ZBTB3: variants seen among roughly 807,000 people sequenced by gnomAD.
The protein encoded by ZBTB3 is zinc finger and BTB domain containing 3, also known as zinc finger and BTB domain-containing protein 3.
In ZBTB3, 15 loss-of-function variants were observed where a neutral mutation model predicts 30.6. That is an observed-to-expected ratio of 0.49 (90% CI 0.33 to 0.75). The LOEUF is 0.75. Among genes scored for constraint, ZBTB3 ranks in the 30% least tolerant of loss-of-function variants. ZBTB3 has a pLI of 0.02. For synonymous variants in ZBTB3, 258 were observed against 261.7 expected (o/e 0.99, Z 0.14); for missense variants, 599 against 652.1 (o/e 0.92, Z 0.89).
Position 62,753,498 on chromosome 11 carries a change from C to A in ZBTB3, c.167G>T (p.Arg56Leu). The A allele has an allele frequency of 6.2e-7, 1 of 1,614,224 alleles. No individual in the cohort carries two copies. The highest frequency in any genetic ancestry group is 1.1e-5 in the South Asian group (1 of 91,084). ...SPFFQLFYKERELDKRDLVCI... is the reference protein window; with the variant it reads ...SPFFQLFYKELELDKRDLVCI... ...CACCAGATCCCTCTTGTCCAATTCC[C>A]GCTCCTTGTAGAAAAGCTGGAAGAA... The change falls in exon 2 of 2, where the codon CGG (arginine) becomes CTG (leucine). Residue 56 changes from arginine (R) to leucine (L), a missense_variant. Arg to Leu is a moderately radical substitution (Grantham distance 102, BLOSUM62 -2). Coordinates refer to ENST00000394807, the MANE Select transcript of ZBTB3 (RefSeq NM_001370809.1).
At position 62,753,123 on chromosome 11, in the gene ZBTB3, A is replaced by G; in HGVS notation, c.542T>C (p.Val181Ala). 1 of 1,614,176 alleles carries G rather than the reference A, an allele frequency of 6.2e-7. No individual in the cohort carries two copies. Among genetic ancestry groups the G allele is most frequent in the South Asian group, 1.1e-5 (1 of 91,086 alleles). Residue 181 changes from valine to alanine, a missense_variant, in exon 2 of 2, where the codon GTC becomes GCC. Physicochemically the swap from Val to Ala is moderately conservative, Grantham distance 64. Coordinates refer to ENST00000394807, the MANE Select transcript of ZBTB3 (RefSeq NM_001370809.1). ...CATTGGTGGCTCATCTGGAGGACGG[A>G]CAGTAGGTGAGGGAGCAGCAGAGCC... ...WKGSAAPSPTVRPPDEPPMSS... is the reference protein window; with the variant it reads ...WKGSAAPSPTARPPDEPPMSS...
chr11:62,754,130 C>T lies in ZBTB3; in HGVS notation c.-218G>A, dbSNP rs2084043910. On this transcript the variant is annotated 5_prime_UTR_variant, in exon 1 of 2. In the 5' UTR this introduces an upstream ATG that the reference lacks. Coordinates refer to ENST00000394807, the MANE Select transcript of ZBTB3 (RefSeq NM_001370809.1). ...ACTAGCGGAGAAAGCTGATACCTCACCCACCACCGAGCAGCCACAGGGCGA... is the reference window on the plus strand; with the variant it reads ...ACTAGCGGAGAAAGCTGATACCTCATCCACCACCGAGCAGCCACAGGGCGA... The T allele has an allele frequency of 4.0e-6, 6 of 1,501,836 alleles. No individual in the cohort carries two copies. The East Asian group carries it at 1.4e-4, about 34-fold the overall frequency. 93.0% of individuals were successfully genotyped at this position (1,501,836 alleles called of 1,614,324 possible). A position where few individuals can be genotyped will look rare whatever the true frequency, so the allele number is the denominator to read the frequency against.
rs1222792773 is a variant in ZBTB3 at position 62,751,804 on chromosome 11, A to G, written c.*286T>C. The G allele has an allele frequency of 5.0e-5, 11 of 218,864 alleles. No individual in the cohort carries two copies. In the East Asian group the frequency reaches 1.1e-3, roughly 22 times the overall value. 13.6% of individuals were successfully genotyped at this position (218,864 alleles called of 1,614,324 possible). A position where few individuals can be genotyped will look rare whatever the true frequency, so the allele number is the denominator to read the frequency against. ...AAAAAAATTAGCCAGGCATGGTGAT[A>G]GGCGCCTGTAGTCCCAGCTACTCGG... On this transcript the variant is annotated 3_prime_UTR_variant, in exon 2 of 2. Transcript: ENST00000394807.
chr11:62,753,989 A>T lies in ZBTB3; in HGVS notation c.-77T>A, dbSNP rs1218687782. On this transcript the variant is annotated 5_prime_UTR_variant, in exon 1 of 2. Coordinates refer to ENST00000394807, the MANE Select transcript of ZBTB3 (RefSeq NM_001370809.1). ...CCGGTAGCGTCCAACGGCTCCACGA[A>T]GTAGAGATCTTTTTCGCTCCCAGGC... The T allele has an allele frequency of 3.6e-5, 58 of 1,613,894 alleles. No individual in the cohort carries two copies. Among genetic ancestry groups the T allele is most frequent in the Non-Finnish European group, 4.7e-5 (55 of 1,180,014 alleles).
In ZBTB3 at chr11:62,752,782, C is replaced by A; in HGVS notation, c.883G>T (p.Ala295Ser). Residue 295 changes from alanine (A) to serine (S), a missense_variant, in exon 2 of 2, where the codon GCC (alanine) becomes TCC (serine). Coordinates refer to ENST00000394807, the MANE Select transcript of ZBTB3 (RefSeq NM_001370809.1). ...TGGACCAGCTCAGCTTCAGCTGGGG[C>A]TGGAGCCTGGGATGGAACTGGAGCT... ...VSAPVPSQAP[A>S]PAEAELVQVK... 6.2e-7 allele frequency: 1 copy of A among 1,614,144 alleles called. No homozygotes were observed. Among genetic ancestry groups the A allele is most frequent in the Non-Finnish European group, 8.5e-7 (1 of 1,180,026 alleles).
At position 62,752,442 on chromosome 11, in the gene ZBTB3, TCG is replaced by T. The variant is rs1242524181; in HGVS notation, c.1221_1222del (p.Tyr407Ter). ...AACCCCAAAGCTTCCTGGAGCTGCTTCGTACTCAGAAGACAGGTAAAGTGGCT... is the reference window on the plus strand; with the variant it reads ...AACCCCAAAGCTTCCTGGAGCTGCTTTACTCAGAAGACAGGTAAAGTGGCT... On this transcript the variant is annotated stop_gained and frameshift_variant, in exon 2 of 2. Transcript: ENST00000394807. LOFTEE classifies it high-confidence loss of function. 6.2e-7 allele frequency: 1 copy of T among 1,614,158 alleles called. No individual in the cohort carries two copies.
chr11:62,752,101 T>A lies in ZBTB3; in HGVS notation c.1564A>T (p.Thr522Ser), dbSNP rs1377702198. ...PPKDFVLAPK[T>S]NI ...CAGCTCATGCTCCCTTAGATGTTAGTTTTTGGGGCCAATACAAAATCTTTA... is the reference window on the plus strand; with the variant it reads ...CAGCTCATGCTCCCTTAGATGTTAGATTTTGGGGCCAATACAAAATCTTTA... Residue 522 changes from threonine to serine, a missense_variant, in exon 2 of 2, where the codon ACT becomes TCT. Transcript: ENST00000394807. The A allele has an allele frequency of 6.2e-7, 1 of 1,607,680 alleles. No individual in the cohort carries two copies. Among genetic ancestry groups the A allele is most frequent in the Non-Finnish European group, 8.5e-7 (1 of 1,175,956 alleles).
chr11:62,752,576 G>T lies in ZBTB3; in HGVS notation c.1089C>A (p.His363Gln). Residue 363 changes from histidine (H) to glutamine (Q), a missense_variant, in exon 2 of 2, where the codon CAC becomes CAA. Physicochemically the swap from His to Gln is conservative, Grantham distance 24. Coordinates refer to ENST00000394807, the MANE Select transcript of ZBTB3 (RefSeq NM_001370809.1). Reference protein sequence around the residue: ...AGLEEVGPSDHFLPTDPHLPY... With the variant: ...AGLEEVGPSDQFLPTDPHLPY... ...GTAGATGAGGGTCTGTTGGCAGGAA[G>T]TGGTCACTTGGCCCCACCTCCTCCA... 1 of 1,614,216 alleles carries T rather than the reference G, an allele frequency of 6.2e-7. No individual in the cohort carries two copies. The highest frequency in any genetic ancestry group is 8.5e-7 in the Non-Finnish European group (1 of 1,180,052).
At position 62,751,972 on chromosome 11, in the gene ZBTB3, C is replaced by G; in HGVS notation, c.*118G>C. On this transcript the variant is annotated 3_prime_UTR_variant, in exon 2 of 2. Coordinates refer to ENST00000394807, the MANE Select transcript of ZBTB3 (RefSeq NM_001370809.1). ...GATTAAAAAAAAAAAAGGGTAGGAA[C>G]TTTCAGCCTGGGCAGAGCCTTTATT... 1.0e-6 allele frequency: 1 copy of G among 978,454 alleles called. No individual in the cohort carries two copies. Among genetic ancestry groups the G allele is most frequent in the Non-Finnish European group, 1.5e-6 (1 of 688,378 alleles). The allele number at this position is 978,454 out of a possible 1,614,324, so 60.6% of individuals were successfully genotyped here. A position where few individuals can be genotyped will look rare whatever the true frequency, so the allele number is the denominator to read the frequency against.
Position 62,753,013 on chromosome 11 carries a change from A to G in ZBTB3, c.652T>C (p.Ser218Pro), listed in dbSNP as rs780439565. 2.5e-6 allele frequency: 4 copies of G among 1,613,990 alleles called. No homozygotes were observed. The South Asian group carries it at 4.4e-5, about 18-fold the overall frequency. ...RAPHPPVADV[S>P]LASPSSSTET... The stretch of plus-strand genomic sequence containing the variant: ...GTGGAGCTACTAGGGCTGGCAAGAG[A>G]GACATCAGCCACTGGTGGATGAGGT... The change falls in exon 2 of 2, where the codon TCT becomes CCT. Residue 218 changes from serine to proline, a missense_variant. By Grantham distance (74) the Ser-to-Pro change is moderately conservative. Transcript: ENST00000394807.
chr11:62,753,196 A>G lies in ZBTB3; in HGVS notation c.469T>C (p.Leu157=), dbSNP rs201044020. 1.9e-6 allele frequency: 3 copies of G among 1,614,194 alleles called. No individual in the cohort carries two copies. The highest frequency in any genetic ancestry group is 2.2e-5 in the South Asian group (2 of 91,080). The change falls in exon 2 of 2, where the codon TTG becomes CTG. Residue 157 remains leucine (L), a synonymous_variant. Transcript: ENST00000394807. ...TGGCCTGATGTCTCAGCAGATGCCA[A>G]CGAAGGTTGGGTGCCACGGGAAGTA... ...SSTSRGTQPS[L]ASAETSGHWG...
At position 62,752,845 on chromosome 11, in the gene ZBTB3, G is replaced by T; in HGVS notation, c.820C>A (p.Pro274Thr). The change falls in exon 2 of 2, where the codon CCA (proline) becomes ACA (threonine). Residue 274 changes from proline to threonine, a missense_variant. Pro to Thr is a conservative substitution (Grantham distance 38). Transcript: ENST00000394807. ...GGGGCTGACGTTGGGGCTGAGGCTG[G>T]GGGATAGAAGCCTTGCAGTGGTCCT... ...PGGPLQGFYPPASAPTSAPAP... is the reference protein window; with the variant it reads ...PGGPLQGFYPTASAPTSAPAP... 6.2e-7 allele frequency: 1 copy of T among 1,614,116 alleles called. No homozygotes were observed. Among genetic ancestry groups the T allele is most frequent in the African/African-American group, 1.3e-5 (1 of 75,048 alleles).
Position 62,753,383 on chromosome 11 carries a change from G to T in ZBTB3, c.282C>A (p.Thr94=). 1.2e-6 allele frequency: 2 copies of T among 1,614,064 alleles called. No homozygotes were observed. Among genetic ancestry groups the T allele is most frequent in the Non-Finnish European group, 1.7e-6 (2 of 1,180,030 alleles). The change falls in exon 2 of 2, where the codon ACC becomes ACA. Residue 94 remains threonine (T), a synonymous_variant. Coordinates refer to ENST00000394807, the MANE Select transcript of ZBTB3 (RefSeq NM_001370809.1). The part of the protein sequence containing the change: ...YAGQLTLRGD[T]PVEDVLAAAS... ...CAGCTGCCAGCACATCCTCCACAGG[G>T]GTATCCCCTCTCAGGGTCAGCTGGC...
At chr11:62,753,789 C>G in intron 1 of ZBTB3, 74 bp from the exon 2 acceptor site, 1 of 1,538,016 alleles carries the variant, frequency 6.5e-7, no homozygotes, top group East Asian at 2.3e-5. Context: ...TATCACTTGC[C>G]ACTCCAAAAC....
rs1198500992 is a variant in ZBTB3, at chr11:62,751,273, T to G, written c.*817A>C. 1 of 151,400 alleles carries G rather than the reference T, an allele frequency of 6.6e-6. No homozygotes were observed. The highest frequency in any genetic ancestry group is 2.4e-5 in the African/African-American group (1 of 41,146). The allele number at this position is 151,400 out of a possible 1,614,324, so 9.4% of individuals were successfully genotyped here. On this transcript the variant is annotated 3_prime_UTR_variant, in exon 2 of 2. Coordinates refer to ENST00000394807, the MANE Select transcript of ZBTB3 (RefSeq NM_001370809.1). ...GGAATTAGCTGGGCGTGGTGGCGCG[T>G]TCCTGTAATCCCAGCTACTCAAGAG... is the stretch of plus-strand genomic sequence containing the variant.
rs1476492886 is a variant in ZBTB3 at position 62,753,169 on chromosome 11, A to G, written c.496T>C (p.Trp166Arg). ...GAGCCTTTCCATTCCCCTTTGCCCC[A>G]GTGGCCTGATGTCTCAGCAGATGCC... ...SLASAETSGH[W>R]GKGEWKGSAA... The change falls in exon 2 of 2, where the codon TGG becomes CGG. Residue 166 changes from tryptophan (W) to arginine (R), a missense_variant. Transcript: ENST00000394807. 1 of 1,614,016 alleles carries G rather than the reference A, an allele frequency of 6.2e-7. No homozygotes were observed. Among genetic ancestry groups the G allele is most frequent in the Non-Finnish European group, 8.5e-7 (1 of 1,180,030 alleles).
rs2084035099 is a variant in ZBTB3, at chr11:62,753,395, C to A, written c.270G>T (p.Leu90=). 1 of 1,614,158 alleles carries A rather than the reference C, an allele frequency of 6.2e-7. No homozygotes were observed. Among genetic ancestry groups the A allele is most frequent in the East Asian group, 2.2e-5 (1 of 44,888 alleles). The part of the protein sequence containing the change: ...LDFMYAGQLT[L]RGDTPVEDVL... ...CATCCTCCACAGGGGTATCCCCTCTCAGGGTCAGCTGGCCAGCATACATAA... is the reference window on the plus strand; with the variant it reads ...CATCCTCCACAGGGGTATCCCCTCTAAGGGTCAGCTGGCCAGCATACATAA... Residue 90 remains leucine (L), a synonymous_variant, in exon 2 of 2, where the codon CTG becomes CTT. Transcript: ENST00000394807.
intron 1 of ZBTB3, 27 bp downstream of exon 1, chr11:62,753,937 G>C (rs899916826): frequency 1.9e-6 from 3 of 1,599,760 alleles, no homozygotes; most frequent in Non-Finnish European, 2.6e-6. Flanking sequence ...CCGCCCCTTA[G>C]CCACCCTCCG....
rs545068621 is a variant in ZBTB3 at position 62,752,039 on chromosome 11, G to C, written c.*51C>G. 6.6e-7 allele frequency: 1 copy of C among 1,518,778 alleles called. No individual in the cohort carries two copies. The highest frequency in any genetic ancestry group is 1.4e-5 in the African/African-American group (1 of 72,338). 94.1% of individuals were successfully genotyped at this position (1,518,778 alleles called of 1,614,324 possible). ...GGTGATAAGGTGCCACCAACCTTCT[G>C]AGCTGCCATCTAAGGATGGTAAGAG... On this transcript the variant is annotated 3_prime_UTR_variant, in exon 2 of 2. Coordinates refer to ENST00000394807, the MANE Select transcript of ZBTB3 (RefSeq NM_001370809.1).
Sources: allele counts gnomAD v4.1 joint callset, GRCh38; gene constraint gnomAD v4.1.1; transcripts MANE v1.5; gene names NCBI Gene and HGNC (gene_info 2026-07-23, HGNC 2026-07-21).